Variants in FBN2 observed in about 807,000 individuals in gnomAD.
FBN2 encodes the protein fibrillin-2.
In FBN2, 105 loss-of-function variants were observed where a neutral mutation model predicts 355.6. That is an observed-to-expected ratio of 0.30 (90% CI 0.25 to 0.35). FBN2 has a LOEUF of 0.35. FBN2 is among the 10% of genes least tolerant of loss of function. FBN2 has a pLI of 1.00. For missense variants in FBN2, 3,280 were observed against 3,758.7 expected, an observed-to-expected ratio of 0.87 and a Z score of 3.33; for synonymous variants, 1,350 against 1,301.2, an observed-to-expected ratio of 1.04 and a Z score of -0.81.
At chr5:128,368,475 T>TACATATATATAC (rs1483500096) in intron 16 of FBN2, among the ~76,000 whole-genome samples, 1 of 146,908 alleles carries the variant, frequency 6.8e-6, no homozygotes, top group African/African-American at 2.5e-5. Context: ...TACATATATA[T>TACATATATATAC]ACATATATAT....
chr5:128,425,428 C>T (rs1232381519), intron 7 of FBN2, among the ~76,000 whole-genome samples: 2 of 152,082 alleles, frequency 1.3e-5, no homozygotes, highest in Non-Finnish European at 1.5e-5. Context: ...GTTAAATTTA[C>T]TATACTTATT....
At position 128,334,303 on chromosome 5, in the gene FBN2, T is replaced by C. The variant is rs370738385; in HGVS notation, c.4099+416A>G. Among the ~76,000 whole-genome samples the C allele has an allele frequency of 1.3e-5, 2 of 151,726 alleles. 1 individual carries two copies. Among genetic ancestry groups the C allele is most frequent in the South Asian group, 4.2e-4 (2 of 4,792 alleles). ...GGGAAAGAGTCTCAATGAAACTTGATTAATTTTTACTAGTTTAAAAGAAGT... is the reference window on the plus strand; with the variant it reads ...GGGAAAGAGTCTCAATGAAACTTGACTAATTTTTACTAGTTTAAAAGAAGT... On this transcript the variant is annotated intron_variant, in intron 31 of 64. Coordinates refer to ENST00000262464, the MANE Select transcript of FBN2 (RefSeq NM_001999.4).
intron 18 of FBN2, among the ~76,000 whole-genome samples, chr5:128,363,135 C>T (rs399731): frequency 0.22 from 33,149 of 151,954 alleles, 4,654 homozygotes; most frequent in East Asian, 0.78. Context: ...GTGACTGCAT[C>T]ACAATTTTCT....
chr5:128,296,771 A>G (rs1219053809), intron 48 of FBN2, among the ~76,000 whole-genome samples: 1 of 151,912 alleles, frequency 6.6e-6, no homozygotes, highest in Non-Finnish European at 1.5e-5. Context: ...AATTTTGTTG[A>G]TCCTTTCAAA....
chr5:128,366,792 T>C (rs145407130), intron 16 of FBN2, among the ~76,000 whole-genome samples: 2 of 152,294 alleles, frequency 1.3e-5, no homozygotes, highest in African/African-American at 4.8e-5. Context: ...TTATAGTACT[T>C]ACCAAGTGCC....
At chr5:128,474,212 G>A (rs1373395673) in intron 5 of FBN2, among the ~76,000 whole-genome samples, 1 of 152,156 alleles carries the variant, frequency 6.6e-6, no homozygotes, top group East Asian at 1.9e-4. Flanking sequence ...AATTGCTGAA[G>A]ATTAAAAACT....
chr5:128,444,985 G>C (rs1330571477), intron 7 of FBN2, among the ~76,000 whole-genome samples: 1 of 151,874 alleles, frequency 6.6e-6, no homozygotes, highest in Non-Finnish European at 1.5e-5. Flanking sequence ...AAAGCCAGGA[G>C]AAAAAATACA....
chr5:128,408,746 T>A lies in FBN2; in HGVS notation c.1006A>T (p.Asn336Tyr). The change falls in exon 8 of 65, where the codon AAC becomes TAC. Residue 336 changes from asparagine (N) to tyrosine (Y), a missense_variant. Around this residue, in one of 6 missense-constraint regions of FBN2, gnomAD observed 343 missense variants for 331.0 expected, o/e 1.04. Transcript: ENST00000262464. ...ACACAAAAATAGCTTCCCACGGTGT[T>A]GGAACATTCACCAGTTTCACATATC... ...PGICETGECS[N>Y]TVGSYFCVCP... 1 of 1,613,822 alleles carries A rather than the reference T, an allele frequency of 6.2e-7. No individual in the cohort carries two copies. Among genetic ancestry groups the A allele is most frequent in the Non-Finnish European group, 8.5e-7 (1 of 1,179,716 alleles).
At chr5:128,306,876 C>G (rs1024384497) in intron 42 of FBN2, among the ~76,000 whole-genome samples, 1 of 152,130 alleles carries the variant, frequency 6.6e-6, no homozygotes, top group African/African-American at 2.4e-5. Flanking sequence ...ACAACTGAAG[C>G]TTTAGCTTGG....
In FBN2 at chr5:128,376,779, T is replaced by C. The variant is rs863223598; in HGVS notation, c.1924A>G (p.Ile642Val). Residue 642 changes from isoleucine to valine, a missense_variant, in exon 14 of 65, where the codon ATC becomes GTC. Ile to Val is a conservative substitution (Grantham distance 29, BLOSUM62 3). This residue lies in a region of FBN2 where 2,284 missense variants were observed against 2,749.5 expected (regional missense o/e 0.83). Coordinates refer to ENST00000262464, the MANE Select transcript of FBN2 (RefSeq NM_001999.4). Reference sequence around the variant, plus strand: ...GCCAAGACAAATCCTGGTTTGCAGATGCACTTGAAGCTGCCATCTTCATTG... The same window carrying C: ...GCCAAGACAAATCCTGGTTTGCAGACGCACTTGAAGCTGCCATCTTCATTG... ...CINEDGSFKC[I>V]CKPGFVLAPN... 6.2e-7 allele frequency: 1 copy of C among 1,613,750 alleles called. No homozygotes were observed. Among genetic ancestry groups the C allele is most frequent in the East Asian group, 2.2e-5 (1 of 44,858 alleles).
intron 23 of FBN2, among the ~76,000 whole-genome samples, chr5:128,347,368 A>G (rs887309679): frequency 6.6e-6 from 1 of 152,220 alleles, no homozygotes; most frequent in Non-Finnish European, 1.5e-5. Flanking sequence ...CTCTATATTT[A>G]TATCAGGAAT....
At chr5:128,491,319 C>T (rs544127959) in intron 5 of FBN2, among the ~76,000 whole-genome samples, 65 of 152,268 alleles carry the variant, frequency 4.3e-4, no homozygotes, top group East Asian at 5.8e-4. Context: ...TTTTCTGTAA[C>T]GCAATAAGAG....
At chr5:128,435,831 A>G (rs969279704) in intron 7 of FBN2, among the ~76,000 whole-genome samples, 2 of 152,236 alleles carry the variant, frequency 1.3e-5, no homozygotes, top group Non-Finnish European at 2.9e-5. Context: ...GCCTGTCTTC[A>G]CATGCCAAAG....
chr5:128,430,092 T>A (rs1193593159), intron 7 of FBN2, among the ~76,000 whole-genome samples: 1 of 152,160 alleles, frequency 6.6e-6, no homozygotes, highest in Non-Finnish European at 1.5e-5. Context: ...GTTATTTTTC[T>A]GTTAGGTGTT....
intron 47 of FBN2, 77 bp from the exon 48 acceptor site, chr5:128,301,013 T>C (rs1015401454): frequency 2.1e-5 from 29 of 1,405,174 alleles, no homozygotes; most frequent in Non-Finnish European, 2.7e-5. Flanking sequence ...TGCCAAATGA[T>C]ATTAACATGA....
rs1033767474 is a variant in FBN2, at chr5:128,338,201, T to G, written c.3473-79A>C. 3 of 1,373,808 alleles carry G rather than the reference T, an allele frequency of 2.2e-6. No individual in the cohort carries two copies. In the African/African-American group the frequency reaches 4.3e-5, roughly 20 times the overall value. 85.1% of individuals were successfully genotyped at this position (1,373,808 alleles called of 1,614,324 possible). A position where few individuals can be genotyped will look rare whatever the true frequency, so the allele number is the denominator to read the frequency against. The stretch of plus-strand genomic sequence containing the variant: ...CACATACAGCGTGGGAGAAAGAATA[T>G]TATCTGATGTGAGAGTGTGAGTTAG... On this transcript the variant is annotated intron_variant, in intron 26 of 64. Transcript: ENST00000262464.
chr5:128,351,848 G>A (rs1026413570), intron 20 of FBN2, among the ~76,000 whole-genome samples: 14 of 151,156 alleles, frequency 9.3e-5, no homozygotes, highest in South Asian at 4.2e-4. Context: ...TTACAGGCAT[G>A]AGCCAGTGCG....
intron 34 of FBN2, among the ~76,000 whole-genome samples, chr5:128,320,248 G>C (rs1750332936): frequency 6.8e-6 from 1 of 147,846 alleles, no homozygotes; most frequent in Non-Finnish European, 1.5e-5. Context: ...ACAGGTTCTT[G>C]CTCTGTCACA....
At chr5:128,397,604 T>C (rs1045791962) in intron 8 of FBN2, among the ~76,000 whole-genome samples, 1 of 152,212 alleles carries the variant, frequency 6.6e-6, no homozygotes, top group Non-Finnish European at 1.5e-5. Context: ...TTCTTGCAGC[T>C]TTCATGGTGA....
Sources: gnomAD v4.1 joint callset for allele counts (sites outside exome capture counted in the v4.1 genomes callset) on GRCh38, gnomAD v4.1.1 for gene constraint, gnomAD v4.1.1 regional missense constraint, MANE v1.5 for transcripts, NCBI Gene and HGNC (gene_info 2026-07-23, HGNC 2026-07-21) for gene names.